The following KLC3 variants were observed in gnomAD, a reference collection of about 807,000 sequenced individuals.
The protein encoded by KLC3 is kinesin light chain 3.
A neutral mutation model predicts 62.9 loss-of-function variants in KLC3; 72 were observed. The ratio of observed to expected loss-of-function variants is 1.15; its 90% CI spans 0.95 to 1.39. The LOEUF is 1.39. Ranked by LOEUF, KLC3 falls within the 40% of genes most tolerant of loss-of-function variation. KLC3 has a pLI of 0.00. For synonymous variants in KLC3, 377 were observed against 300.5 expected (o/e 1.25, Z -2.63); for missense variants, 848 against 691.6 (o/e 1.23, Z -2.54).
intron 1 of KLC3, among the ~76,000 whole-genome samples, chr19:45,342,880 G>A (rs748945257): frequency 2.4e-4 from 36 of 152,184 alleles, no homozygotes; most frequent in Non-Finnish European, 4.1e-4. Context: ...TGCACAAAAC[G>A]TACAGGACCC....
chr19:45,342,405 G>A (rs1971412959), intron 1 of KLC3, among the ~76,000 whole-genome samples: 1 of 151,994 alleles, frequency 6.6e-6, no homozygotes, highest in Admixed American at 6.6e-5. Flanking sequence ...TGGGCAATAT[G>A]GTGATACCCC....
Position 45,345,656 on chromosome 19 carries a change from G to T in KLC3, c.115G>T (p.Ala39Ser). 6.3e-7 allele frequency: 1 copy of T among 1,583,998 alleles called. No individual in the cohort carries two copies. Among genetic ancestry groups the T allele is most frequent in the South Asian group, 1.2e-5 (1 of 86,526 alleles). The stretch of plus-strand genomic sequence containing the variant: ...GGTCCAGGGGCTGGAGGCGCTGCGG[G>T]CAGAGCACCATGGCCTGGCTGGGCA... ...QVVQGLEALR[A>S]EHHGLAGHLA... is the part of the protein sequence containing the mutation. The change falls in exon 2 of 13, where the codon GCA (alanine) becomes TCA (serine). Residue 39 changes from alanine (A) to serine (S), a missense_variant. Transcript: ENST00000391946.
intron 1 of KLC3, among the ~76,000 whole-genome samples, chr19:45,341,186 T>TGTGTGTGTGTGTGTGTGTGTG (rs1568519123): frequency 8.9e-6 from 1 of 111,826 alleles, no homozygotes; most frequent in African/African-American, 3.7e-5. Flanking sequence ...CTGCCTGTGT[T>TGTGTGTGTGTGTGTGTGTGTG]TGTGTGTGTG....
chr19:45,341,586 C>CGT (rs1555772522), intron 1 of KLC3, among the ~76,000 whole-genome samples: 3,385 of 114,566 alleles, frequency 0.03, 57 homozygotes, highest in Non-Finnish European at 0.046. Context: ...TGTGCGCGCG[C>CGT]GCGTGTGGTG....
At position 45,345,711 on chromosome 19, in the gene KLC3, C is replaced by T. The variant is rs569097340; in HGVS notation, c.170C>T (p.Pro57Leu). Residue 57 changes from proline to leucine, a missense_variant, in exon 2 of 13, where the codon CCG (proline) becomes CTG (leucine). Transcript: ENST00000391946. ...HLAEALAGQG[P>L]AAGLEMLEEK... The stretch of plus-strand genomic sequence containing the variant: ...GCGGAGGCCCTGGCGGGACAGGGCC[C>T]GGCAGCCGGCTTGGAGATGCTGGAG... 3.3e-5 allele frequency: 52 copies of T among 1,564,758 alleles called. 1 individual carries two copies. Among genetic ancestry groups the T allele is most frequent in the South Asian group, 7.1e-5 (6 of 85,036 alleles).
At chr19:45,350,164 G>A in intron 8 of KLC3, 177 bp from the exon 9 acceptor site, 2 of 605,698 alleles carry the variant, frequency 3.3e-6, no homozygotes, top group Non-Finnish European at 5.8e-6. Context: ...GTTCACGCTT[G>A]TAACCCCAAC....
chr19:45,342,120 T>G (rs1273917882), intron 1 of KLC3, among the ~76,000 whole-genome samples: 1 of 151,222 alleles, frequency 6.6e-6, no homozygotes, highest in African/African-American at 2.4e-5. Context: ...GGCTGTGGAG[T>G]GGTGTGTGTA....
rs377143246 is a variant in KLC3, at chr19:45,349,579, G to A, written c.1120G>A (p.Val374Met). 52 of 1,612,380 alleles carry A rather than the reference G, an allele frequency of 3.2e-5. No individual in the cohort carries two copies. The African/African-American group carries it at 4.3e-4, about 13-fold the overall frequency. ...ACTGGGCGGGCCCCATGACCCCAAC[G>A]TGGCCAAGACCAAGAACAACCTGGT... ...EALGGPHDPN[V>M]AKTKNNLASA... The change falls in exon 8 of 13, where the codon GTG (valine) becomes ATG (methionine). Residue 374 changes from valine to methionine, a missense_variant. Transcript: ENST00000391946.
chr19:45,349,332 C>T, intron 7 of KLC3, 97 bp from the exon 8 acceptor site: 1 of 1,273,332 alleles, frequency 7.9e-7, no homozygotes, highest in Non-Finnish European at 1.1e-6. Flanking sequence ...TCTGCTTTGA[C>T]CCTGTAATCC....
intron 8 of KLC3, 154 bp downstream of exon 8, chr19:45,349,756 G>T: frequency 2.8e-6 from 2 of 706,264 alleles, no homozygotes; most frequent in Non-Finnish European, 2.2e-6. Flanking sequence ...AGCTGGCTCA[G>T]CACAGAACAC....
intron 1 of KLC3, among the ~76,000 whole-genome samples, chr19:45,341,801 GT>G (rs1568519540): frequency 7.1e-4 from 88 of 124,220 alleles, no homozygotes; most frequent in African/African-American, 3.2e-3. Flanking sequence ...GTGTGTGTGT[GT>G]AGAGAGGAAC....
intron 8 of KLC3, 94 bp downstream of exon 8, chr19:45,349,696 T>TGGGGGGGGGGGGGGG: frequency 1.5e-6 from 1 of 689,042 alleles, no homozygotes; most frequent in Admixed American, 3.8e-5. Flanking sequence ...AACGTGAGGG[T>TGGGGGGGGGGGGGGG]GGGGGGGGGC....
chr19:45,350,109 G>C (rs1971651411), intron 8 of KLC3: 1 of 551,718 alleles, frequency 1.8e-6, no homozygotes, highest in Non-Finnish European at 3.2e-6. Context: ...GCAGGGGAAG[G>C]ATACGGCCAG....
Position 45,350,346 on chromosome 19 carries a change from A to G in KLC3, c.1149A>G (p.Ser383=). Residue 383 remains serine (S), a synonymous_variant, in exon 9 of 13, where the codon TCA becomes TCG. Transcript: ENST00000391946. ...AGACACTCCCTTCTCCGCAGGCCTC[A>G]GCCTACCTGAAACAGAACAAGTATC... is the stretch of plus-strand genomic sequence containing the variant. ...NVAKTKNNLA[S]AYLKQNKYQQ... is the part of the protein sequence containing the mutation. 1 of 1,613,448 alleles carries G rather than the reference A, an allele frequency of 6.2e-7. No individual in the cohort carries two copies. The highest frequency in any genetic ancestry group is 8.5e-7 in the Non-Finnish European group (1 of 1,179,930).
chr19:45,347,885 G>A (rs1281321942), intron 4 of KLC3, 56 bp from the exon 5 acceptor site: 21 of 1,418,262 alleles, frequency 1.5e-5, no homozygotes, highest in Middle Eastern at 3.5e-4. Flanking sequence ...CCCCTCATGC[G>A]AGGCTGGAGG....
chr19:45,348,187 G>C, intron 5 of KLC3, 27 bp downstream of exon 5: 1 of 1,546,060 alleles, frequency 6.5e-7, no homozygotes, highest in Non-Finnish European at 8.8e-7. Context: ...GCCATGGCTG[G>C]GGGCAGGAAC....
chr19:45,348,034 C>CG lies in KLC3; in HGVS notation c.657dup (p.Gln220AlafsTer5). ...CTGCATAACCTCGTGATCCAGTACG[C>CG]GGGGCAGGGCCGCTATGAGGTGGCG... On this transcript the variant is annotated frameshift_variant, in exon 5 of 13. Transcript: ENST00000391946. LOFTEE classifies it high-confidence loss of function. 1 of 1,606,106 alleles carries CG rather than the reference C, an allele frequency of 6.2e-7. No homozygotes were observed. The highest frequency in any genetic ancestry group is 8.5e-7 in the Non-Finnish European group (1 of 1,176,576).
chr19:45,349,704 G>A (rs116630936), intron 8 of KLC3, 102 bp downstream of exon 8: 1 of 815,814 alleles, frequency 1.2e-6, no homozygotes. Flanking sequence ...GGTGGGGGGG[G>A]GCCCCCCAGG....
At chr19:45,350,052 A>G (rs912340391) in intron 8 of KLC3, 1 of 472,140 alleles carries the variant, frequency 2.1e-6, no homozygotes, top group Admixed American at 3.8e-5. Flanking sequence ...CAGGGCAGGA[A>G]GTAAGGCCGA....
Sources: allele counts gnomAD v4.1 joint callset (sites outside exome capture counted in the v4.1 genomes callset), GRCh38; gene constraint gnomAD v4.1.1; transcripts MANE v1.5; gene names NCBI Gene and HGNC (gene_info 2026-07-23, HGNC 2026-07-21).